The following CDC42BPG variants were observed in gnomAD, a reference collection of about 807,000 sequenced individuals.
CDC42BPG encodes the protein CDC42 binding protein kinase gamma.
Under a neutral mutation model 192.2 loss-of-function variants are expected in CDC42BPG, and 157 were observed. That is an observed-to-expected ratio of 0.82 (90% confidence interval 0.72 to 0.93). The LOEUF (loss-of-function observed/expected upper bound fraction) is 0.93. CDC42BPG is among the 40% of genes least tolerant of loss of function. The probability of loss-of-function intolerance (pLI) is 0.00; values close to 1 mark genes in which losing one functional copy is unlikely to be tolerated. For synonymous variants in CDC42BPG, 981 were observed against 918.5 expected (o/e 1.07, Z -1.23); for missense variants, 1,992 against 2,122.1 (o/e 0.94, Z 1.20).
In CDC42BPG at chr11:64,840,170, A is replaced by G; in HGVS notation, c.531T>C (p.Ala177=). 1 of 1,613,082 alleles carries G rather than the reference A, an allele frequency of 6.2e-7. No homozygotes were observed. Among genetic ancestry groups the G allele is most frequent in the Non-Finnish European group, 8.5e-7 (1 of 1,179,908 alleles). Residue 177 remains alanine, a synonymous_variant, in exon 5 of 37, where the codon GCT becomes GCC. Coordinates refer to ENST00000342711, the MANE Select transcript of CDC42BPG (RefSeq NM_017525.3). ...LPPELAQFYL[A]EMVLAIHSLH... Reference sequence around the variant, plus strand: ...GCGAGTGGATGGCCAGCACCATCTCAGCCAGGTAGAACTGGGCCAGCTCGG... The same window carrying G: ...GCGAGTGGATGGCCAGCACCATCTCGGCCAGGTAGAACTGGGCCAGCTCGG...
chr11:64,831,735 C>A lies in CDC42BPG; in HGVS notation c.3088-14G>T. The A allele has an allele frequency of 6.4e-7, 1 of 1,573,892 alleles. No individual in the cohort carries two copies. The highest frequency in any genetic ancestry group is 8.6e-7 in the Non-Finnish European group (1 of 1,163,674). On this transcript the variant is annotated splice_polypyrimidine_tract_variant and intron_variant, in intron 27 of 36. Transcript: ENST00000342711. The stretch of plus-strand genomic sequence containing the variant: ...GGAGGTTGTCACCTGTGGGCAAGGA[C>A]CCCAGCTGGAGGGCCGTGGACCAGA...
Position 64,826,558 on chromosome 11 carries a change from G to T in CDC42BPG, c.4514-3C>A, listed in dbSNP as rs1281139169. On this transcript the variant is annotated splice_polypyrimidine_tract_variant and splice_region_variant and intron_variant, in intron 35 of 36. Coordinates refer to ENST00000342711, the MANE Select transcript of CDC42BPG (RefSeq NM_017525.3). ...GGATGTCCAGGGTTTCCTCTTCACT[G>T]CTCCAGCAGCAGACGAGGAGACAAA... 7 of 1,599,764 alleles carry T rather than the reference G, an allele frequency of 4.4e-6. No individual in the cohort carries two copies. Among genetic ancestry groups the T allele is most frequent in the Non-Finnish European group, 6.0e-6 (7 of 1,173,868 alleles).
intron 8 of CDC42BPG, 146 bp downstream of exon 8, chr11:64,838,508 G>A (rs528384245): frequency 1.2e-4 from 137 of 1,132,012 alleles, no homozygotes; most frequent in Middle Eastern, 6.0e-4. Context: ...TGGCTGGAAC[G>A]GGTCAGTCTG....
chr11:64,834,466 G>T lies in CDC42BPG; in HGVS notation c.2287C>A (p.Leu763Met). ...IRAKQGLQER[L>M]TQVQEAQLQA... Reference sequence around the variant, plus strand: ...AGCTGGGCCTCCTGCACCTGTGTCAGCCGCTCCTGCAGGCCCTGCTTGGCG... The same window carrying T: ...AGCTGGGCCTCCTGCACCTGTGTCATCCGCTCCTGCAGGCCCTGCTTGGCG... The change falls in exon 19 of 37, where the codon CTG (leucine) becomes ATG (methionine). Residue 763 changes from leucine to methionine, a missense_variant. By Grantham distance (15) the Leu-to-Met change is conservative (BLOSUM62 2). Around this residue, in one of 2 missense-constraint regions of CDC42BPG, gnomAD observed 1,656 missense variants for 1,844.3 expected, o/e 0.90. Coordinates refer to ENST00000342711, the MANE Select transcript of CDC42BPG (RefSeq NM_017525.3). 1 of 1,568,606 alleles carries T rather than the reference G, an allele frequency of 6.4e-7. No homozygotes were observed. Among genetic ancestry groups the T allele is most frequent in the Non-Finnish European group, 8.6e-7 (1 of 1,157,818 alleles).
At position 64,827,528 on chromosome 11, in the gene CDC42BPG, T is replaced by G. The variant is rs763750172; in HGVS notation, c.4149A>C (p.Ala1383=). 1.9e-6 allele frequency: 3 copies of G among 1,611,350 alleles called. No individual in the cohort carries two copies. Among genetic ancestry groups the G allele is most frequent in the Admixed American group, 3.3e-5 (2 of 59,912 alleles). Residue 1383 remains alanine, a splice_region_variant and synonymous_variant, in exon 32 of 37, where the codon GCA becomes GCC. Transcript: ENST00000342711. ...VRLTYLRNQL[A]EKDEFDIPDL... is the part of the protein sequence containing the mutation. ...ACCCGTACACACGCACTCCCTCACC[T>G]GCCAGCTGGTTCCTGAGGTAGGTCA... is the stretch of plus-strand genomic sequence containing the variant.
chr11:64,834,388 C>A, intron 19 of CDC42BPG, 34 bp from the exon 20 acceptor site: 1 of 1,559,442 alleles, frequency 6.4e-7, no homozygotes. Flanking sequence ...CCACTGGCCT[C>A]TGTGCGGGCC....
chr11:64,824,263 G>T lies in CDC42BPG; in HGVS notation c.*210C>A. 1.6e-6 allele frequency: 1 copy of T among 634,006 alleles called. No homozygotes were observed. The highest frequency in any genetic ancestry group is 2.9e-6 in the Non-Finnish European group (1 of 346,660). The allele number at this position is 634,006 out of a possible 1,614,324, so 39.3% of individuals were successfully genotyped here. The stretch of plus-strand genomic sequence containing the variant: ...CCAATGGCTTAGAAAGGCTGGGGCT[G>T]GGAACAGAGGGGTAAGGCAGGATGA... On this transcript the variant is annotated 3_prime_UTR_variant, in exon 37 of 37. Coordinates refer to ENST00000342711, the MANE Select transcript of CDC42BPG (RefSeq NM_017525.3).
chr11:64,828,196 T>A (rs1942523293), intron 30 of CDC42BPG, among the ~76,000 whole-genome samples: 1 of 152,122 alleles, frequency 6.6e-6, no homozygotes, highest in Non-Finnish European at 1.5e-5. Context: ...GAGCCATTGC[T>A]CACGAAGGAC....
chr11:64,827,646 C>A, intron 31 of CDC42BPG, 35 bp from the exon 32 acceptor site: 1 of 1,605,496 alleles, frequency 6.2e-7, no homozygotes, highest in Non-Finnish European at 8.5e-7. Context: ...GGCCACGCCT[C>A]CACCCCCGGC....
At chr11:64,830,469 T>C in intron 28 of CDC42BPG, 1 of 605,928 alleles carries the variant, frequency 1.7e-6, no homozygotes, top group Non-Finnish European at 3.0e-6. Flanking sequence ...CTGTGGGATT[T>C]TGGGTAAGTC....
At chr11:64,827,814 T>A (rs1471515123) in intron 30 of CDC42BPG, 31 bp from the exon 31 acceptor site, 7 of 1,560,350 alleles carry the variant, frequency 4.5e-6, no homozygotes, top group Non-Finnish European at 5.2e-6. Context: ...TCTGAGCTGT[T>A]TCCCCCTCTG....
At position 64,835,641 on chromosome 11, in the gene CDC42BPG, T is replaced by C; in HGVS notation, c.1759-20A>G. On this transcript the variant is annotated intron_variant, in intron 14 of 36. Coordinates refer to ENST00000342711, the MANE Select transcript of CDC42BPG (RefSeq NM_017525.3). ...GATGGTCTTGGGGACATGGAGGGGG[T>C]CAGGGCAGAGACCCAAGATGCCATG... is the stretch of plus-strand genomic sequence containing the variant. 1 of 1,571,006 alleles carries C rather than the reference T, an allele frequency of 6.4e-7. No homozygotes were observed. Among genetic ancestry groups the C allele is most frequent in the African/African-American group, 1.3e-5 (1 of 74,158 alleles).
At chr11:64,828,669 CT>C (rs1284712905) in intron 30 of CDC42BPG, among the ~76,000 whole-genome samples, 2 of 152,202 alleles carry the variant, frequency 1.3e-5, no homozygotes, top group Non-Finnish European at 2.9e-5. Context: ...AATCCCAGCA[CT>C]TTGGGAGGCC....
chr11:64,833,232 A>C lies in CDC42BPG; in HGVS notation c.2730T>G (p.Asp910Glu), dbSNP rs965399603. The change falls in exon 24 of 37, where the codon GAT (aspartate) becomes GAG (glutamate). Residue 910 changes from aspartate (D) to glutamate (E), a missense_variant and splice_region_variant. By Grantham distance (45) the Asp-to-Glu change is conservative. Coordinates refer to ENST00000342711, the MANE Select transcript of CDC42BPG (RefSeq NM_017525.3). ...AGCATAGTGGGTGGGGACTCTCACC[A>C]TCACAACCCAGGCCCTGGCGGCCCA... is the stretch of plus-strand genomic sequence containing the variant. ...LGLGRQGLGC[D>E]ACGYFCHTTC... The C allele has an allele frequency of 4.5e-6, 7 of 1,547,600 alleles. No individual in the cohort carries two copies. The African/African-American group carries it at 8.2e-5, about 18-fold the overall frequency.
intron 11 of CDC42BPG, 27 bp downstream of exon 11, chr11:64,836,712 G>GGGGGC: frequency 2.5e-6 from 2 of 797,414 alleles, no homozygotes; most frequent in Non-Finnish European, 3.6e-6. Flanking sequence ...GCCCTGGGGG[G>GGGGGC]GGGGGGGGGG....
At position 64,840,594 on chromosome 11, in the gene CDC42BPG, C is replaced by G. The variant is rs928491464; in HGVS notation, c.391G>C (p.Val131Leu). ...TGGAAGGCATAGTGCAGAGTGGTCACCCAACGGCTGTCCCCTTTCACGAGC... is the reference window on the plus strand; with the variant it reads ...TGGAAGGCATAGTGCAGAGTGGTCAGCCAACGGCTGTCCCCTTTCACGAGC... ...DVLVKGDSRW[V>L]TTLHYAFQDE... Residue 131 changes from valine to leucine, a missense_variant, in exon 4 of 37, where the codon GTG (valine) becomes CTG (leucine). Val to Leu is a conservative substitution (Grantham distance 32, BLOSUM62 1). Around this residue, in one of 2 missense-constraint regions of CDC42BPG, gnomAD observed 1,656 missense variants for 1,844.3 expected, o/e 0.90. Coordinates refer to ENST00000342711, the MANE Select transcript of CDC42BPG (RefSeq NM_017525.3). The G allele has an allele frequency of 1.2e-6, 2 of 1,613,872 alleles. No individual in the cohort carries two copies. Among genetic ancestry groups the G allele is most frequent in the African/African-American group, 2.7e-5 (2 of 74,952 alleles).
intron 4 of CDC42BPG, 93 bp downstream of exon 4, chr11:64,840,460 A>G: frequency 7.0e-7 from 1 of 1,433,380 alleles, no homozygotes; most frequent in Non-Finnish European, 9.7e-7. Flanking sequence ...TGGTCCCAAG[A>G]GGGGTCTCTC....
intron 1 of CDC42BPG, 24 bp from the exon 2 acceptor site, chr11:64,841,928 C>CA: frequency 6.4e-7 from 1 of 1,551,910 alleles, no homozygotes. Flanking sequence ...GGGCGGGACT[C>CA]AGAGTGCAGG....
At chr11:64,833,576 C>T (rs1289096101) in intron 23 of CDC42BPG, 24 bp downstream of exon 23, 1 of 1,593,040 alleles carries the variant, frequency 6.3e-7, no homozygotes, top group South Asian at 1.1e-5. Context: ...TGCCCCCACC[C>T]TGCTTGCCCC....
Sources: gnomAD v4.1 joint callset for allele counts (sites outside exome capture counted in the v4.1 genomes callset) on GRCh38, gnomAD v4.1.1 for gene constraint, gnomAD v4.1.1 regional missense constraint, MANE v1.5 for transcripts, NCBI Gene and HGNC (gene_info 2026-07-23, HGNC 2026-07-21) for gene names.